Variants in TENM2 observed in about 807,000 individuals in gnomAD.
TENM2 encodes the protein teneurin transmembrane protein 2, also known as teneurin-2.
In TENM2, 52 loss-of-function variants were observed where a neutral mutation model predicts 245.2. That is an observed-to-expected ratio of 0.21 (90% confidence interval 0.17 to 0.27). The LOEUF (loss-of-function observed/expected upper bound fraction) is 0.27, where lower values mean the gene tolerates loss of function less well. Among genes scored for constraint, TENM2 ranks in the 10% least tolerant of loss-of-function variants. The probability of loss-of-function intolerance (pLI) is 1.00; values close to 1 mark genes in which losing one functional copy is unlikely to be tolerated. For missense variants in TENM2, 3,046 were observed against 3,666.8 expected (o/e 0.83, Z 4.37); for synonymous variants, 1,363 against 1,438.9 (o/e 0.95, Z 1.19).
At chr5:166,990,296 A>G in the TENM2 span, among the ~76,000 whole-genome samples, 2 of 152,174 alleles carry the variant, frequency 1.3e-5, no homozygotes, top group East Asian at 1.9e-4. Context: ...TAATTCTTCA[A>G]TTCGAAATTA....
intron 2 of TENM2, among the ~76,000 whole-genome samples, chr5:167,452,044 A>G (rs2127476210): frequency 6.6e-6 from 1 of 152,308 alleles, no homozygotes; most frequent in African/African-American, 2.4e-5. Flanking sequence ...AAAGAACTAT[A>G]TCAGAGCATA....
chr5:167,557,331 A>G (rs975245964), intron 2 of TENM2, among the ~76,000 whole-genome samples: 2 of 152,198 alleles, frequency 1.3e-5, no homozygotes, highest in Non-Finnish European at 2.9e-5. Context: ...CCTCTTCTAC[A>G]AGGGTAGGAA....
the TENM2 span, among the ~76,000 whole-genome samples, chr5:167,067,300 A>G: frequency 1.7e-4 from 26 of 152,312 alleles, no homozygotes; most frequent in African/African-American, 6.3e-4. Context: ...AAACTTTTGC[A>G]GAATTTTTTT....
At chr5:168,005,150 A>T (rs1784723956) in intron 5 of TENM2, among the ~76,000 whole-genome samples, 1 of 152,228 alleles carries the variant, frequency 6.6e-6, no homozygotes, top group Non-Finnish European at 1.5e-5. Flanking sequence ...CAGCTGACCC[A>T]CAGTGATATC....
chr5:167,607,613 A>C (rs189312060), intron 2 of TENM2, among the ~76,000 whole-genome samples: 1 of 152,368 alleles, frequency 6.6e-6, no homozygotes, highest in African/African-American at 2.4e-5. Context: ...CACAAACAAA[A>C]TACATTGCCG....
intron 2 of TENM2, among the ~76,000 whole-genome samples, chr5:167,614,523 T>C (rs1211885643): frequency 1.3e-5 from 2 of 152,140 alleles, no homozygotes; most frequent in Non-Finnish European, 2.9e-5. Context: ...AAGACAAGTG[T>C]AAAGTAGTGT....
At chr5:167,723,922 GTGTCCCAGAAGGC>G (rs1759810652) in intron 2 of TENM2, among the ~76,000 whole-genome samples, 1 of 152,206 alleles carries the variant, frequency 6.6e-6, no homozygotes, top group Admixed American at 6.5e-5. Context: ...GTAAAAGATG[GTGTCCCAGAAGGC>G]TGTGAACTTT....
At chr5:167,188,243 T>C in the TENM2 span, among the ~76,000 whole-genome samples, 1 of 152,148 alleles carries the variant, frequency 6.6e-6, no homozygotes, top group Non-Finnish European at 1.5e-5. Context: ...TAAATGGGTA[T>C]GGAGATTGAA....
chr5:167,130,085 T>C, the TENM2 span, among the ~76,000 whole-genome samples: 2 of 152,198 alleles, frequency 1.3e-5, no homozygotes, highest in Non-Finnish European at 2.9e-5. Flanking sequence ...TGTGTATCTT[T>C]GTATATTGCT....
At chr5:167,786,536 T>G (rs1035745720) in intron 2 of TENM2, among the ~76,000 whole-genome samples, 3 of 152,210 alleles carry the variant, frequency 2.0e-5, no homozygotes, top group Non-Finnish European at 4.4e-5. Context: ...TAAGATTGAA[T>G]CTCATTGAAT....
chr5:167,488,379 T>C (rs922937617), intron 2 of TENM2, among the ~76,000 whole-genome samples: 9 of 152,162 alleles, frequency 5.9e-5, no homozygotes, highest in Non-Finnish European at 1.2e-4. Context: ...AAAAAGACTT[T>C]ATCAAGGTTA....
chr5:167,201,672 A>G, the TENM2 span, among the ~76,000 whole-genome samples: 1 of 152,050 alleles, frequency 6.6e-6, no homozygotes, highest in Non-Finnish European at 1.5e-5. Flanking sequence ...CTTCATTTTG[A>G]GCTTGTGATT....
At chr5:168,085,760 A>C (rs1792398520) in intron 7 of TENM2, among the ~76,000 whole-genome samples, 1 of 152,218 alleles carries the variant, frequency 6.6e-6, no homozygotes, top group Non-Finnish European at 1.5e-5. Flanking sequence ...ACTGCAGCTA[A>C]GTCATTCCCA....
chr5:167,716,486 G>A (rs1243774448), intron 2 of TENM2, among the ~76,000 whole-genome samples: 1 of 152,158 alleles, frequency 6.6e-6, no homozygotes, highest in Non-Finnish European at 1.5e-5. Context: ...GGCTTTTATT[G>A]TTAATATTTA....
At chr5:167,094,036 A>G in the TENM2 span, among the ~76,000 whole-genome samples, 5 of 152,238 alleles carry the variant, frequency 3.3e-5, no homozygotes, top group African/African-American at 1.2e-4. Flanking sequence ...ATAAACAGGT[A>G]GCAGGGAAGA....
chr5:167,498,375 C>G (rs1465911936), intron 2 of TENM2, among the ~76,000 whole-genome samples: 2 of 152,076 alleles, frequency 1.3e-5, no homozygotes, highest in African/African-American at 4.8e-5. Flanking sequence ...ATCATGCTTC[C>G]TTCTTGCCCT....
At chr5:167,052,723 C>T in the TENM2 span, among the ~76,000 whole-genome samples, 11 of 150,934 alleles carry the variant, frequency 7.3e-5, no homozygotes, top group African/African-American at 2.7e-4. Flanking sequence ...ATAATATAGA[C>T]GATATATGTA....
the TENM2 span, among the ~76,000 whole-genome samples, chr5:166,987,901 T>A: frequency 6.6e-6 from 1 of 152,232 alleles, no homozygotes; most frequent in African/African-American, 2.4e-5. Context: ...AAATGTTCTC[T>A]AAAGGATTGT....
chr5:167,374,764 C>T (rs1760643551), intron 1 of TENM2, among the ~76,000 whole-genome samples: 1 of 151,858 alleles, frequency 6.6e-6, no homozygotes, highest in Admixed American at 6.6e-5. Context: ...CTCTGGTCCC[C>T]GGTTTCCTCA....
Sources: gnomAD v4.1 joint callset for allele counts (sites outside exome capture counted in the v4.1 genomes callset) on GRCh38, gnomAD v4.1.1 for gene constraint, MANE v1.5 for transcripts, NCBI Gene and HGNC (gene_info 2026-07-23, HGNC 2026-07-21) for gene names.